The following ENOX1 variants were observed in gnomAD, a reference collection of about 807,000 sequenced individuals.
The protein encoded by ENOX1 is candidate growth-related and time keeping constitutive hydroquinone (NADH) oxidase.
In ENOX1, 42 loss-of-function variants were observed where a neutral mutation model predicts 82.5. That is an observed-to-expected ratio of 0.51 (90% CI 0.40 to 0.66). ENOX1 has a LOEUF of 0.66. ENOX1 is among the 30% of genes least tolerant of loss of function. ENOX1 has a pLI of 0.00. For missense variants in ENOX1, 608 were observed against 811.6 expected (o/e 0.75, Z 3.05); for synonymous variants, 271 against 282.2 (o/e 0.96, Z 0.40).
At chr13:43,367,950 T>C (rs1247339328) in intron 5 of ENOX1, among the ~76,000 whole-genome samples, 3 of 152,194 alleles carry the variant, frequency 2.0e-5, no homozygotes, top group Non-Finnish European at 4.4e-5. Flanking sequence ...GGAAGCAGAA[T>C]AGCTCTTAGG....
rs1332017529 is a variant in ENOX1, at chr13:43,293,730, C to T, written c.1446+4616G>A. 2.6e-5 allele frequency among the ~76,000 whole-genome samples: 4 copies of T among 152,200 alleles called. No homozygotes were observed. In the South Asian group the frequency reaches 8.3e-4, roughly 32 times the overall value. ...ACTTACCCAAGGGGTCAGATGTAAT[C>T]ACTATGTTTAATTTCAAAAATACTT... is the stretch of plus-strand genomic sequence containing the variant. On this transcript the variant is annotated intron_variant, in intron 12 of 16. Transcript: ENST00000690772.
chr13:43,724,343 T>C (rs535365138), intron 1 of ENOX1, among the ~76,000 whole-genome samples: 2 of 152,358 alleles, frequency 1.3e-5, no homozygotes, highest in African/African-American at 4.8e-5. Context: ...CTGGTCTGTC[T>C]TCTATGTGCT....
intron 3 of ENOX1, among the ~76,000 whole-genome samples, chr13:43,443,369 C>T (rs1262150572): frequency 6.6e-6 from 1 of 152,148 alleles, no homozygotes; most frequent in Non-Finnish European, 1.5e-5. Flanking sequence ...GAACTGTCTT[C>T]AGGAAATTTC....
chr13:43,297,729 A>G (rs1387649428), intron 12 of ENOX1, among the ~76,000 whole-genome samples: 1 of 152,206 alleles, frequency 6.6e-6, no homozygotes, highest in Non-Finnish European at 1.5e-5. Flanking sequence ...CCATAAATAT[A>G]CATCTTTAAA....
chr13:43,745,227 G>A (rs1949957745), intron 1 of ENOX1, among the ~76,000 whole-genome samples: 1 of 151,986 alleles, frequency 6.6e-6, no homozygotes, highest in African/African-American at 2.4e-5. Context: ...ACAAAAGAGG[G>A]AGAAGACAAC....
At chr13:43,441,811 A>AT (rs11304162) in intron 3 of ENOX1, among the ~76,000 whole-genome samples, 30 of 148,938 alleles carry the variant, frequency 2.0e-4, no homozygotes, top group Admixed American at 5.4e-4. Context: ...TTCTCCTTCG[A>AT]TTTTTTTTTT....
chr13:43,661,576 T>C (rs774472993), intron 2 of ENOX1, among the ~76,000 whole-genome samples: 1 of 152,180 alleles, frequency 6.6e-6, no homozygotes, highest in Non-Finnish European at 1.5e-5. Flanking sequence ...CAATACTGTA[T>C]AGGGCAGGAA....
In ENOX1 at chr13:43,412,006, T is replaced by C; in HGVS notation, c.118A>G (p.Met40Val). Residue 40 changes from methionine to valine, a missense_variant, in exon 5 of 17, where the codon ATG becomes GTG. Met to Val is a conservative substitution (Grantham distance 21, BLOSUM62 1). Transcript: ENST00000690772. ...CAGGCTGTGGGATCTGTCACGGACA[T>C]GTTGAGCTGGGTCGTGTCTATCGCT... is the stretch of plus-strand genomic sequence containing the variant. ...SIAIDTTQLNMSVTDPTAWAT... is the reference protein window; with the variant it reads ...SIAIDTTQLNVSVTDPTAWAT... The C allele has an allele frequency of 1.2e-6, 2 of 1,614,174 alleles. No homozygotes were observed. The highest frequency in any genetic ancestry group is 1.7e-6 in the Non-Finnish European group (2 of 1,180,032).
At chr13:43,595,623 A>AG (rs2081435737) in intron 2 of ENOX1, among the ~76,000 whole-genome samples, 1 of 152,214 alleles carries the variant, frequency 6.6e-6, no homozygotes, top group African/African-American at 2.4e-5. Context: ...TGGTAAGAAG[A>AG]GGGTACACTT....
chr13:43,516,325 G>A (rs1300919162), intron 2 of ENOX1, among the ~76,000 whole-genome samples: 2 of 152,144 alleles, frequency 1.3e-5, no homozygotes, highest in African/African-American at 4.8e-5. Context: ...CAGTGGGAAA[G>A]CTTCTACGGG....
intron 6 of ENOX1, among the ~76,000 whole-genome samples, chr13:43,360,481 T>A (rs1269790015): frequency 6.6e-6 from 1 of 151,938 alleles, no homozygotes; most frequent in Non-Finnish European, 1.5e-5. Flanking sequence ...ACGGGAAGCA[T>A]AACCTACAAA....
At chr13:43,220,134 C>T (rs945282460) in intron 16 of ENOX1, among the ~76,000 whole-genome samples, 4 of 151,148 alleles carry the variant, frequency 2.6e-5, no homozygotes, top group African/African-American at 7.3e-5. Flanking sequence ...GTCAGGAATT[C>T]GAAGGAGTGA....
chr13:43,291,331 C>T (rs900156782), intron 12 of ENOX1, among the ~76,000 whole-genome samples: 3 of 152,206 alleles, frequency 2.0e-5, no homozygotes, highest in East Asian at 3.8e-4. Context: ...ATTAGTCCTG[C>T]CACCTTCTCT....
At chr13:43,422,486 T>C (rs781267080) in intron 3 of ENOX1, among the ~76,000 whole-genome samples, 1 of 152,200 alleles carries the variant, frequency 6.6e-6, no homozygotes, top group Non-Finnish European at 1.5e-5. Flanking sequence ...GGTTTGTGAT[T>C]ACATCCTCCA....
intron 3 of ENOX1, among the ~76,000 whole-genome samples, chr13:43,460,085 A>G (rs2153637039): frequency 6.6e-6 from 1 of 152,324 alleles, no homozygotes; most frequent in Non-Finnish European, 1.5e-5. Flanking sequence ...TGTTTAGTTA[A>G]TTATATTTAC....
chr13:43,447,847 T>G (rs567219763), intron 3 of ENOX1, among the ~76,000 whole-genome samples: 1 of 152,308 alleles, frequency 6.6e-6, no homozygotes, highest in African/African-American at 2.4e-5. Context: ...CCAAGTATAT[T>G]AAAATGTGTT....
At chr13:43,690,258 TAAAA>T (rs5803202) in intron 1 of ENOX1, among the ~76,000 whole-genome samples, 8 of 139,438 alleles carry the variant, frequency 5.7e-5, no homozygotes, top group African/African-American at 1.0e-4. Context: ...ATAAATAAGT[TAAAA>T]AAAAAAAAAA....
chr13:43,222,011 G>A (rs2041815397), intron 16 of ENOX1, among the ~76,000 whole-genome samples: 1 of 152,226 alleles, frequency 6.6e-6, no homozygotes, highest in Non-Finnish European at 1.5e-5. Flanking sequence ...GGCATGAGAA[G>A]GAACCTGACA....
At chr13:43,749,379 T>C (rs1251472949) in intron 1 of ENOX1, among the ~76,000 whole-genome samples, 3 of 152,230 alleles carry the variant, frequency 2.0e-5, no homozygotes, top group Admixed American at 1.3e-4. Context: ...TAGTTTGAAA[T>C]GCTTATTTTA....
Sources: allele counts gnomAD v4.1 joint callset (sites outside exome capture counted in the v4.1 genomes callset), GRCh38; gene constraint gnomAD v4.1.1; transcripts MANE v1.5; gene names NCBI Gene and HGNC (gene_info 2026-07-23, HGNC 2026-07-21).